PCDHA2: variants seen among roughly 807,000 people sequenced by gnomAD.
The protein encoded by PCDHA2 is protocadherin alpha-2.
A neutral mutation model predicts 66.0 loss-of-function variants in PCDHA2; 58 were observed. The observed-to-expected ratio is 0.88, with a 90% CI of 0.71 to 1.09. The LOEUF is 1.09. Ranked by LOEUF, PCDHA2 falls within the 50% of genes least tolerant of loss-of-function variation. The pLI is 0.00. For synonymous variants in PCDHA2, 634 were observed against 554.0 expected, an observed-to-expected ratio of 1.14 and a Z score of -2.03; for missense variants, 1,267 against 1,242.3, an observed-to-expected ratio of 1.02 and a Z score of -0.30.
intron 1 of PCDHA2, among the ~76,000 whole-genome samples, chr5:140,817,794 G>A (rs1031395082): frequency 6.6e-6 from 1 of 152,164 alleles, no homozygotes; most frequent in Admixed American, 6.5e-5. Flanking sequence ...TGCTGGTAAA[G>A]AAACCTTTAC....
chr5:140,884,489 T>G, intron 1 of PCDHA2: 1 of 1,613,936 alleles, frequency 6.2e-7, no homozygotes, highest in East Asian at 2.2e-5. Flanking sequence ...CACTCTAGTG[T>G]GCTCCAGCGC....
At chr5:140,927,366 A>C in intron 1 of PCDHA2, 1 of 1,614,088 alleles carries the variant, frequency 6.2e-7, no homozygotes, top group Non-Finnish European at 8.5e-7. Context: ...GCAATGGGAT[A>C]CTAAGCTACA....
chr5:140,972,820 C>T (rs1247488574), intron 1 of PCDHA2, among the ~76,000 whole-genome samples: 1 of 151,962 alleles, frequency 6.6e-6, no homozygotes, highest in Non-Finnish European at 1.5e-5. Context: ...CGCGCCACCA[C>T]GCCTGGCTAA....
Position 140,823,155 on chromosome 5 carries a change from C to T in PCDHA2, c.2388+25803C>T, listed in dbSNP as rs142802947. The T allele has an allele frequency of 2.5e-6, 4 of 1,613,730 alleles. No individual in the cohort carries two copies. In the South Asian group the frequency reaches 3.3e-5, roughly 13 times the overall value. ...CGGCGTTCGCGCAGCCCCAGTATACCGTGTTCGTGAAGGAGAACAACCCGC... is the reference window on the plus strand; with the variant it reads ...CGGCGTTCGCGCAGCCCCAGTATACTGTGTTCGTGAAGGAGAACAACCCGC... On this transcript the variant is annotated intron_variant, in intron 1 of 3. Transcript: ENST00000526136.
At chr5:140,863,178 C>T (rs1420894530) in intron 1 of PCDHA2, 2 of 736,748 alleles carry the variant, frequency 2.7e-6, no homozygotes, top group Non-Finnish European at 4.7e-6. Flanking sequence ...TGACTGCCAC[C>T]GTCACCGTGG....
chr5:141,009,929 G>T lies in PCDHA2; in HGVS notation c.2839G>T (p.Asp947Tyr). Residue 947 changes from aspartate to tyrosine, a missense_variant, in exon 4 of 4, where the codon GAC becomes TAC. Transcript: ENST00000526136. Reference protein sequence around the residue: ...EKGNSTTDNSDQ With the variant: ...EKGNSTTDNSYQ ...AGGGAACAGCACGACTGACAACAGT[G>T]ACCAGTGAGGTCCTCAAATGGAAAC... 1 of 1,603,730 alleles carries T rather than the reference G, an allele frequency of 6.2e-7. No homozygotes were observed. The highest frequency in any genetic ancestry group is 1.1e-5 in the South Asian group (1 of 89,000).
chr5:140,798,748 G>T (rs1428818626), intron 1 of PCDHA2, among the ~76,000 whole-genome samples: 3 of 152,044 alleles, frequency 2.0e-5, no homozygotes, highest in Admixed American at 2.0e-4. Context: ...ATTTATTTTG[G>T]GTAATTATAA....
At chr5:140,956,719 T>C (rs2095305109) in intron 1 of PCDHA2, among the ~76,000 whole-genome samples, 1 of 152,216 alleles carries the variant, frequency 6.6e-6, no homozygotes, top group Non-Finnish European at 1.5e-5. Context: ...TCAGAAGAAT[T>C]GGTACCAGCT....
intron 1 of PCDHA2, among the ~76,000 whole-genome samples, chr5:140,886,716 C>T (rs1160663504): frequency 1.3e-5 from 2 of 151,034 alleles, no homozygotes; most frequent in Non-Finnish European, 2.9e-5. Flanking sequence ...ATCCCAGCTA[C>T]TTGGGAGGCT....
At chr5:140,862,334 C>A in intron 1 of PCDHA2, 1 of 329,810 alleles carries the variant, frequency 3.0e-6, no homozygotes, top group Non-Finnish European at 6.0e-6. Flanking sequence ...TGTAATTGAC[C>A]CTAACTTCAG....
Position 140,969,610 on chromosome 5 carries a change from G to A in PCDHA2, c.2389-9339G>A, listed in dbSNP as rs1468528731. 9 of 723,424 alleles carry A rather than the reference G, an allele frequency of 1.2e-5. No individual in the cohort carries two copies. In the African/African-American group the frequency reaches 1.4e-4, roughly 11 times the overall value. The allele number at this position is 723,424 out of a possible 1,614,324, so 44.8% of individuals were successfully genotyped here. On this transcript the variant is annotated intron_variant, in intron 1 of 3. Transcript: ENST00000526136. ...TCTTAATATTTAATGCTAAAACACA[G>A]ATTTGTAGAGAAACAGGACAGGCCT...
At chr5:140,925,190 A>G (rs2082378036) in intron 1 of PCDHA2, among the ~76,000 whole-genome samples, 1 of 152,192 alleles carries the variant, frequency 6.6e-6, no homozygotes, top group Non-Finnish European at 1.5e-5. Context: ...ACCATCACCC[A>G]GCTTCAATAA....
intron 1 of PCDHA2, chr5:140,871,125 G>T (rs1387416665): frequency 6.2e-7 from 1 of 1,613,330 alleles, no homozygotes; most frequent in Non-Finnish European, 8.5e-7. Context: ...GCGGACAGGC[G>T]CCAAAGGCCT....
At chr5:140,807,116 C>T in intron 1 of PCDHA2, 1 of 1,524,550 alleles carries the variant, frequency 6.6e-7, no homozygotes, top group Non-Finnish European at 8.9e-7. Flanking sequence ...CTGCACTTGA[C>T]TGACCGATTA....
intron 1 of PCDHA2, chr5:140,928,453 T>G (rs528077853): frequency 1.9e-6 from 3 of 1,613,888 alleles, no homozygotes; most frequent in African/African-American, 2.7e-5. Flanking sequence ...GCTCAGGGGG[T>G]TTCATTTCCA....
In PCDHA2 at chr5:140,883,232, G is replaced by C. The variant is rs782490836; in HGVS notation, c.2388+85880G>C. 3 of 1,613,952 alleles carry C rather than the reference G, an allele frequency of 1.9e-6. No individual in the cohort carries two copies. The Admixed American group carries it at 5.0e-5, about 27-fold the overall frequency. On this transcript the variant is annotated intron_variant, in intron 1 of 3. Transcript: ENST00000526136. ...GAAATTATATGAAATATCCGTGGAGGCAGTTGACAAAGGAAATATTCCAAT... is the reference window on the plus strand; with the variant it reads ...GAAATTATATGAAATATCCGTGGAGCCAGTTGACAAAGGAAATATTCCAAT...
intron 1 of PCDHA2, among the ~76,000 whole-genome samples, chr5:140,890,240 A>C (rs1554184230): frequency 6.6e-6 from 1 of 152,138 alleles, no homozygotes; most frequent in African/African-American, 2.4e-5. Flanking sequence ...AGCATTTACC[A>C]GTACACTACT....
chr5:140,842,117 G>A, intron 1 of PCDHA2: 4 of 1,613,862 alleles, frequency 2.5e-6, no homozygotes, highest in Non-Finnish European at 3.4e-6. Context: ...CAAACTGAAT[G>A]CTTCTGATCC....
chr5:141,005,255 CACTGGTGATACATTGGTGAAT>C (rs1319250318), intron 3 of PCDHA2, among the ~76,000 whole-genome samples: 1 of 152,182 alleles, frequency 6.6e-6, no homozygotes, highest in African/African-American at 2.4e-5. Context: ...TTGTGCTAGG[CACTGGTGATACATTGGTGAAT>C]AAACAGATAC....
Sources: allele counts gnomAD v4.1 joint callset (sites outside exome capture counted in the v4.1 genomes callset), GRCh38; gene constraint gnomAD v4.1.1; transcripts MANE v1.5; gene names NCBI Gene and HGNC (gene_info 2026-07-23, HGNC 2026-07-21).